HOOK2: variants seen among roughly 807,000 people sequenced by gnomAD.
HOOK2 encodes protein Hook homolog 2.
In HOOK2, 108 loss-of-function variants were observed where a neutral mutation model predicts 111.9. The observed-to-expected ratio is 0.96, with a 90% confidence interval of 0.83 to 1.13. The LOEUF is 1.13. Ranked by LOEUF, HOOK2 falls within the 50% of genes most tolerant of loss-of-function variation. HOOK2 has a pLI of 0.00. For missense variants in HOOK2, 978 were observed against 951.3 expected (o/e 1.03, Z -0.37); for synonymous variants, 405 against 394.3 (o/e 1.03, Z -0.32).
rs1968197636 is a variant in HOOK2 at position 12,767,749 on chromosome 19, A to G, written c.1303+67T>C. 2.1e-6 allele frequency: 3 copies of G among 1,445,276 alleles called. No individual in the cohort carries two copies. In the South Asian group the frequency reaches 3.6e-5, roughly 17 times the overall value. The allele number at this position is 1,445,276 out of a possible 1,614,324, so 89.5% of individuals were successfully genotyped here. The stretch of plus-strand genomic sequence containing the variant: ...GTCCCCAACCTAGACATGCACTGGG[A>G]CACAACCTGTTCTACCCAAACAGTA... On this transcript the variant is annotated intron_variant, in intron 13 of 22. Transcript: ENST00000397668.
Position 12,791,854 on chromosome 19 carries a change from C to A in HOOK2, n.42-17629G>T. ...TACGGCCGGGCCCCTGGTGGCCTCT[C>A]TCTACACGACTACAAACTCCTGAAA... On this transcript the variant is annotated intron_variant and non_coding_transcript_variant, in intron 3 of 3. Transcript: ENST00000589765. This position sits in a 1 kb window ranked among gnomAD's most constrained non-coding sequence, Gnocchi z 7.0. 1 of 1,613,618 alleles carries A rather than the reference C, an allele frequency of 6.2e-7. No homozygotes were observed. The highest frequency in any genetic ancestry group is 8.5e-7 in the Non-Finnish European group (1 of 1,179,894).
chr19:12,773,721 G>C (rs754923478), intron 3 of HOOK2, among the ~76,000 whole-genome samples: 1 of 152,100 alleles, frequency 6.6e-6, no homozygotes, highest in South Asian at 2.1e-4. Context: ...CAGCCAGGGG[G>C]AGCTTTATAA....
intron 3 of HOOK2, chr19:12,774,107 T>C (rs553725958): frequency 6.4e-6 from 1 of 155,922 alleles, no homozygotes; most frequent in Non-Finnish European, 1.4e-5. Context: ...TTTCTTTTTC[T>C]TTTTTTCTTC....
At chr19:12,770,544 G>A (rs958531575) in intron 10 of HOOK2, among the ~76,000 whole-genome samples, 29 of 151,920 alleles carry the variant, frequency 1.9e-4, no homozygotes, top group African/African-American at 6.3e-4. Context: ...AAAAGGGGGT[G>A]CAAAGTAATT....
upstream of HOOK2, among the ~76,000 whole-genome samples, chr19:12,776,237 G>A (rs1968505576): frequency 1.3e-5 from 2 of 151,924 alleles, no homozygotes. Flanking sequence ...GGAGGGGCGA[G>A]CCCTGGCACT....
rs1006676896 is a variant in HOOK2, at chr19:12,770,102, G to T, written c.903-20C>A. The T allele has an allele frequency of 3.3e-5, 48 of 1,472,178 alleles. No individual in the cohort carries two copies. The highest frequency in any genetic ancestry group is 1.7e-4 in the Middle Eastern group (1 of 5,806). The allele number at this position is 1,472,178 out of a possible 1,614,324, so 91.2% of individuals were successfully genotyped here. ...GACTGCCTAGGGGAGTGGGAGGGAA[G>T]GGGGAGGGCTGAGAGCTCTGATCAG... On this transcript the variant is annotated intron_variant, in intron 10 of 22. Transcript: ENST00000397668.
chr19:12,771,632 C>T (rs573761138), intron 7 of HOOK2, among the ~76,000 whole-genome samples, 155 bp from the exon 8 acceptor site: 15 of 152,224 alleles, frequency 9.9e-5, no homozygotes, highest in Non-Finnish European at 1.8e-4. Context: ...CCTATAATCC[C>T]AGCACTTTGG....
At chr19:12,774,241 G>T (rs899339730) in intron 3 of HOOK2, 2 of 228,728 alleles carry the variant, frequency 8.7e-6, no homozygotes, top group African/African-American at 4.5e-5. Context: ...AAGTAACTGG[G>T]ATTACAGGTG....
At chr19:12,772,129 C>T (rs1968356307) in intron 7 of HOOK2, 61 bp downstream of exon 7, 3 of 1,283,202 alleles carry the variant, frequency 2.3e-6, no homozygotes, top group South Asian at 1.2e-5. Context: ...TTATCCCCAA[C>T]TCCCGGCCTT....
chr19:12,772,983 C>G lies in HOOK2; in HGVS notation c.255+11G>C. 1 of 1,614,214 alleles carries G rather than the reference C, an allele frequency of 6.2e-7. No homozygotes were observed. ...CAACTCAACCCCCTGAATCCCTTTACAGTTACTCACATCCTGGGAGTACTC... is the reference window on the plus strand; with the variant it reads ...CAACTCAACCCCCTGAATCCCTTTAGAGTTACTCACATCCTGGGAGTACTC... On this transcript the variant is annotated intron_variant, in intron 4 of 22. Coordinates refer to ENST00000397668, the MANE Select transcript of HOOK2 (RefSeq NM_013312.3).
Position 12,766,355 on chromosome 19 carries a change from G to C in HOOK2, c.1374-115C>G, listed in dbSNP as rs1014213721. 4.6e-6 allele frequency: 6 copies of C among 1,312,808 alleles called. No homozygotes were observed. In the Admixed American group the frequency reaches 8.8e-5, roughly 19 times the overall value. 81.3% of individuals were successfully genotyped at this position (1,312,808 alleles called of 1,614,324 possible). A position where few individuals can be genotyped will look rare whatever the true frequency, so the allele number is the denominator to read the frequency against. On this transcript the variant is annotated intron_variant, in intron 14 of 22. Coordinates refer to ENST00000397668, the MANE Select transcript of HOOK2 (RefSeq NM_013312.3). ...AGAGCCCTGGGGAAGAGCCCAGCCA[G>C]ACCATGGGGTTGGAGCACCGAGGAC...
chr19:12,773,100 T>C (rs951851893), intron 3 of HOOK2, 56 bp from the exon 4 acceptor site: 13 of 1,533,890 alleles, frequency 8.5e-6, no homozygotes, highest in South Asian at 1.1e-5. Context: ...TCTGAATCTG[T>C]AGGTCCCATC....
chr19:12,778,737 T>C (rs188033245), upstream of HOOK2, among the ~76,000 whole-genome samples: 50 of 152,286 alleles, frequency 3.3e-4, no homozygotes, highest in Admixed American at 2.7e-3. Context: ...TTGACTTAAA[T>C]TGTGCTAATG....
At chr19:12,783,200 C>G (rs114308950), upstream of HOOK2, among the ~76,000 whole-genome samples, 392 of 152,208 alleles carry the variant, frequency 2.6e-3, 2 homozygotes, top group African/African-American at 9.1e-3. Context: ...CCCCTACAGA[C>G]AGTGGGGCCG....
rs750079184 is a variant in HOOK2 at position 12,767,836 on chromosome 19, G to T, written c.1283C>A (p.Pro428Gln). ...CTCACCGGCCTGGGTCAACCCCCGC[G>T]GCTGCAGCTGGGCGCAGCGCAGCTC... ...NEELRCAQLQ[P>Q]RGLTQADPSL... The change falls in exon 13 of 23, where the codon CCG (proline) becomes CAG (glutamine). Residue 428 changes from proline to glutamine, a missense_variant. By Grantham distance (76) the Pro-to-Gln change is moderately conservative. Coordinates refer to ENST00000397668, the MANE Select transcript of HOOK2 (RefSeq NM_013312.3). 8.7e-6 allele frequency: 14 copies of T among 1,603,894 alleles called. No individual in the cohort carries two copies. The highest frequency in any genetic ancestry group is 4.0e-4 in the Middle Eastern group (2 of 4,968).
chr19:12,783,752 A>C (rs1039633898), intron 3 of HOOK2, among the ~76,000 whole-genome samples: 6 of 152,274 alleles, frequency 3.9e-5, no homozygotes, highest in Middle Eastern at 3.4e-3. Context: ...GAAACTCTGC[A>C]TCCAGGGTTG....
rs1186683105 is a variant in HOOK2, at chr19:12,791,989, G to T, written n.42-17764C>A. 1.2e-6 allele frequency: 2 copies of T among 1,611,604 alleles called. No homozygotes were observed. The highest frequency in any genetic ancestry group is 1.7e-4 in the Middle Eastern group (1 of 6,058). On this transcript the variant is annotated intron_variant and non_coding_transcript_variant, in intron 3 of 3. Transcript: ENST00000589765. This position sits in a 1 kb window ranked among gnomAD's most constrained non-coding sequence, Gnocchi z 7.0. Reference sequence around the variant, plus strand: ...GGCGGCAGCTACTTTTCTGGTCAGGGCTCGGACACCGGCGCGTCTCTCAAG... The same window carrying T: ...GGCGGCAGCTACTTTTCTGGTCAGGTCTCGGACACCGGCGCGTCTCTCAAG...
At chr19:12,784,084 C>G (rs552005344) in intron 3 of HOOK2, among the ~76,000 whole-genome samples, 1 of 152,076 alleles carries the variant, frequency 6.6e-6, no homozygotes, top group Non-Finnish European at 1.5e-5. Context: ...AGGGAGGGGA[C>G]GTCGGATGGA....
rs1365669966 is a variant in HOOK2, at chr19:12,772,862, A to G, written c.306T>C (p.Ile102=). 2 of 1,614,080 alleles carry G rather than the reference A, an allele frequency of 1.2e-6. No individual in the cohort carries two copies. Among genetic ancestry groups the G allele is most frequent in the African/African-American group, 1.3e-5 (1 of 74,936 alleles). The change falls in exon 5 of 23, where the codon ATT becomes ATC. Residue 102 remains isoleucine (I), a synonymous_variant. Transcript: ENST00000397668. ...SEEHLPDVSL[I]GEFSDPAELG... is the part of the protein sequence containing the mutation. ...GCTCTGCCGGGTCTGAGAACTCTCC[A>G]ATGAGGCTCACATCTGGGAGATGCT...
Sources: allele counts gnomAD v4.1 joint callset (sites outside exome capture counted in the v4.1 genomes callset), GRCh38; gene constraint gnomAD v4.1.1; non-coding constraint Gnocchi (gnomAD v3.1); transcripts MANE v1.5; gene names NCBI Gene and HGNC (gene_info 2026-07-23, HGNC 2026-07-21).